Variants in FMO5 observed in about 807,000 individuals in gnomAD.
FMO5 encodes the protein flavin containing dimethylaniline monoxygenase 5.
In FMO5, 51 loss-of-function variants were observed where a neutral mutation model predicts 43.6. That is an observed-to-expected ratio of 1.17 (90% CI 0.93 to 1.48). The LOEUF (loss-of-function observed/expected upper bound fraction) is 1.48, where lower values mean the gene tolerates loss of function less well. FMO5 is among the 40% of genes most tolerant of loss of function. The pLI, the probability that FMO5 is intolerant of heterozygous loss-of-function variation, is 0.00. For missense variants in FMO5, 644 were observed against 643.0 expected (o/e 1.00, Z -0.02); for synonymous variants, 187 against 216.5 (o/e 0.86, Z 1.20).
At position 147,213,320 on chromosome 1, in the gene FMO5, C is replaced by A. The variant is rs781920064; in HGVS notation, c.475G>T (p.Glu159Ter). The A allele has an allele frequency of 3.1e-6, 5 of 1,608,530 alleles. No homozygotes were observed. In the African/African-American group the frequency reaches 6.7e-5, roughly 21 times the overall value. ...GTAAGCTGCTCACCAGGGAAGCTTT[C>A]CAGAGGTAGATGAGCATTGGTGTGA... ...GHHTNAHLPL[E>*]SFPGIEKFKG... Residue 159 changes from glutamate to a stop codon, truncating the protein, a stop_gained, in exon 4 of 9, where the codon GAA becomes TAA. Coordinates refer to ENST00000254090, the MANE Select transcript of FMO5 (RefSeq NM_001461.4). LOFTEE classifies it high-confidence loss of function.
chr1:147,225,460 C>A (rs587717420), upstream of FMO5: 167 of 167,786 alleles, frequency 1.0e-3, 1 homozygote, highest in African/African-American at 3.7e-3. Context: ...CTCAGCGGCA[C>A]CCATTCTCCC....
At chr1:147,196,734 C>G (rs1553919904) in intron 7 of FMO5, among the ~76,000 whole-genome samples, 1 of 152,032 alleles carries the variant, frequency 6.6e-6, no homozygotes, top group African/African-American at 2.4e-5. Context: ...TTTCTTATCT[C>G]CCTCCATGTC....
At chr1:147,192,455 A>C (rs1553918781) in intron 7 of FMO5, among the ~76,000 whole-genome samples, 2 of 152,138 alleles carry the variant, frequency 1.3e-5, no homozygotes, top group Non-Finnish European at 2.9e-5. Flanking sequence ...TGTCGTCTGC[A>C]AACAGGGACA....
intron 2 of FMO5, among the ~76,000 whole-genome samples, chr1:147,220,329 A>G (rs1553925960): frequency 6.6e-6 from 1 of 152,242 alleles, no homozygotes; most frequent in African/African-American, 2.4e-5. Flanking sequence ...ATTCTGATTC[A>G]TAGACTAGAA....
At chr1:147,200,211 G>C (rs56410162) in intron 7 of FMO5, among the ~76,000 whole-genome samples, 5,613 of 152,210 alleles carry the variant, frequency 0.037, 147 homozygotes, top group South Asian at 0.095. Context: ...TAACCCTCAA[G>C]ATTTCACTCC....
At chr1:147,201,041 T>C (rs908762526) in intron 7 of FMO5, 111 bp downstream of exon 7, 1 of 761,552 alleles carries the variant, frequency 1.3e-6, no homozygotes. Context: ...AACTTTGTGC[T>C]AGGCACTGTT....
intron 2 of FMO5, among the ~76,000 whole-genome samples, chr1:147,220,881 A>G (rs1033176115): frequency 1.3e-5 from 2 of 148,562 alleles, no homozygotes; most frequent in Non-Finnish European, 3.0e-5. Flanking sequence ...ACAAAGATAT[A>G]TTGTGGCATA....
At chr1:147,191,110 A>T (rs1267456319) in intron 7 of FMO5, among the ~76,000 whole-genome samples, 2 of 152,050 alleles carry the variant, frequency 1.3e-5, no homozygotes, top group Non-Finnish European at 2.9e-5. Context: ...TGGTTCCAAG[A>T]CTTTGCTATT....
At chr1:147,208,756 T>C (rs1553923021) in intron 6 of FMO5, 96 bp downstream of exon 6, 2 of 1,008,426 alleles carry the variant, frequency 2.0e-6, no homozygotes, top group Non-Finnish European at 3.0e-6. Context: ...GTTTTCTTAA[T>C]GTATGGGTAG....
intron 4 of FMO5, among the ~76,000 whole-genome samples, chr1:147,213,102 T>C (rs114220614): frequency 1.0e-3 from 155 of 152,272 alleles, no homozygotes; most frequent in African/African-American, 3.5e-3. Context: ...TAAAACTAAA[T>C]AGACTGCAAA....
At chr1:147,226,279 A>G (rs769740565), upstream of FMO5, among the ~76,000 whole-genome samples, 12 of 150,960 alleles carry the variant, frequency 7.9e-5, no homozygotes, top group Non-Finnish European at 1.6e-4. Context: ...CACAATCTGG[A>G]TCTAAGAATC....
chr1:147,208,848 A>G lies in FMO5; in HGVS notation c.830+4T>C. ...ATCCCTGCACTCCCATCCTGGGAACATACCTGTGTTTAGGCTTCAGGCCAA... is the reference window on the plus strand; with the variant it reads ...ATCCCTGCACTCCCATCCTGGGAACGTACCTGTGTTTAGGCTTCAGGCCAA... On this transcript the variant is annotated splice_donor_region_variant and intron_variant, in intron 6 of 8. Coordinates refer to ENST00000254090, the MANE Select transcript of FMO5 (RefSeq NM_001461.4). 2 of 1,613,292 alleles carry G rather than the reference A, an allele frequency of 1.2e-6. No individual in the cohort carries two copies. The highest frequency in any genetic ancestry group is 8.5e-7 in the Non-Finnish European group (1 of 1,179,270).
At chr1:147,185,824 C>G (rs587600326), downstream of FMO5, among the ~76,000 whole-genome samples, 1 of 152,182 alleles carries the variant, frequency 6.6e-6, no homozygotes, top group South Asian at 2.1e-4. Flanking sequence ...GATGAGAAAA[C>G]AGAATCATCA....
chr1:147,222,846 C>T (rs939668521), intron 2 of FMO5, among the ~76,000 whole-genome samples: 14 of 152,144 alleles, frequency 9.2e-5, no homozygotes, highest in Non-Finnish European at 1.5e-5. Context: ...ATGATGGATG[C>T]CCTCCCAACC....
chr1:147,212,317 T>C (rs968040165), intron 5 of FMO5, 76 bp downstream of exon 5: 25 of 1,479,758 alleles, frequency 1.7e-5, no homozygotes, highest in East Asian at 1.4e-4. Context: ...TATTCTCTGT[T>C]GGGTCCACCT....
At chr1:147,209,446 A>AAAAAG (rs1660742335) in intron 5 of FMO5, among the ~76,000 whole-genome samples, 2 of 151,580 alleles carry the variant, frequency 1.3e-5, no homozygotes, top group South Asian at 4.2e-4. Context: ...TCAAAAAAAA[A>AAAAAG]AAAAAAAAGA....
chr1:147,200,411 C>G (rs1658769951), intron 7 of FMO5, among the ~76,000 whole-genome samples: 1 of 152,046 alleles, frequency 6.6e-6, no homozygotes, highest in South Asian at 2.1e-4. Flanking sequence ...AAAAATTTTT[C>G]TCTCTCTCCT....
chr1:147,225,030 G>A lies in FMO5; in HGVS notation c.-1C>T, dbSNP rs782644856. 2 of 1,558,724 alleles carry A rather than the reference G, an allele frequency of 1.3e-6. No individual in the cohort carries two copies. The highest frequency in any genetic ancestry group is 3.6e-5 in the Admixed American group (2 of 55,116). Reference sequence around the variant, plus strand: ...TCACAGCAATTCTTTTCTTAGTCATGGTCTCCCGAGATCTTCACCTGTTAG... The same window carrying A: ...TCACAGCAATTCTTTTCTTAGTCATAGTCTCCCGAGATCTTCACCTGTTAG... On this transcript the variant is annotated 5_prime_UTR_variant, in exon 2 of 9. Coordinates refer to ENST00000254090, the MANE Select transcript of FMO5 (RefSeq NM_001461.4).
intron 5 of FMO5, chr1:147,209,876 T>C (rs1553923420): frequency 6.6e-6 from 1 of 152,230 alleles, no homozygotes; most frequent in Non-Finnish European, 1.5e-5. Context: ...TTGACATTGT[T>C]GGCATTATTA....
Sources: allele counts gnomAD v4.1 joint callset (sites outside exome capture counted in the v4.1 genomes callset), GRCh38; gene constraint gnomAD v4.1.1; transcripts MANE v1.5; gene names NCBI Gene and HGNC (gene_info 2026-07-23, HGNC 2026-07-21).